Variants in SPATA4 observed in about 807,000 individuals in gnomAD.
The protein encoded by SPATA4 is spermatogenesis-associated protein 4.
Under a neutral mutation model 31.8 loss-of-function variants are expected in SPATA4, and 35 were observed. The observed-to-expected ratio is 1.10, with a 90% CI of 0.84 to 1.46. The LOEUF (loss-of-function observed/expected upper bound fraction) is 1.46. SPATA4 is among the 40% of genes most tolerant of loss of function. The pLI is 0.00. For missense variants in SPATA4, 394 were observed against 363.1 expected (o/e 1.09, Z -0.69); for synonymous variants, 126 against 132.4 (o/e 0.95, Z 0.33).
chr4:176,195,322 C>G, intron 1 of SPATA4, 23 bp downstream of exon 1: 1 of 1,613,100 alleles, frequency 6.2e-7, no homozygotes, highest in East Asian at 2.2e-5. Context: ...CCGGGGGGGC[C>G]TAGGACTGGC....
chr4:176,194,140 C>G (rs1421777607), intron 1 of SPATA4: 3 of 146,452 alleles, frequency 2.0e-5, no homozygotes, highest in Admixed American at 7.0e-5. Flanking sequence ...ATCAGATCAA[C>G]TGTACAGTGT....
At chr4:176,192,345 C>T (rs1752544141) in intron 4 of SPATA4, among the ~76,000 whole-genome samples, 1 of 152,198 alleles carries the variant, frequency 6.6e-6, no homozygotes, top group Admixed American at 6.5e-5. Flanking sequence ...GATATATGAA[C>T]TTGTTTCTTG....
Position 176,184,842 on chromosome 4 carries a change from C to T in SPATA4, c.856G>A (p.Ala286Thr). Residue 286 changes from alanine to threonine, a missense_variant, in exon 6 of 6, where the codon GCT (alanine) becomes ACT (threonine). By Grantham distance (58) the Ala-to-Thr change is moderately conservative. Coordinates refer to ENST00000280191, the MANE Select transcript of SPATA4 (RefSeq NM_144644.4). Reference sequence around the variant, plus strand: ...GCAGAGTAATAAGAATGTTGTCCAGCTTGCTTCACATGTATTTCTCTATGT... The same window carrying T: ...GCAGAGTAATAAGAATGTTGTCCAGTTTGCTTCACATGTATTTCTCTATGT... ...SSHREIHVKQ[A>T]GQHSYYSAMK... is the part of the protein sequence containing the mutation. The T allele has an allele frequency of 6.2e-7, 1 of 1,603,734 alleles. No homozygotes were observed. Among genetic ancestry groups the T allele is most frequent in the Non-Finnish European group, 8.5e-7 (1 of 1,174,936 alleles).
At chr4:176,190,403 T>C (rs1752509882) in intron 4 of SPATA4, among the ~76,000 whole-genome samples, 1 of 152,248 alleles carries the variant, frequency 6.6e-6, no homozygotes, top group Non-Finnish European at 1.5e-5. Flanking sequence ...TTGATTTTCA[T>C]TCCTGCCATA....
At chr4:176,195,243 G>C (rs1362716607) in intron 1 of SPATA4, 102 bp downstream of exon 1, 1 of 1,145,710 alleles carries the variant, frequency 8.7e-7, no homozygotes, top group East Asian at 2.4e-5. Context: ...GTCTTGATTT[G>C]AAACATAAGC....
chr4:176,193,176 G>A (rs1234569379), intron 2 of SPATA4, 100 bp from the exon 3 acceptor site: 28 of 859,056 alleles, frequency 3.3e-5, no homozygotes, highest in Non-Finnish European at 5.0e-5. Flanking sequence ...TACCTATGAA[G>A]TAATTTTTGT....
At chr4:176,187,931 C>A (rs1025204439) in intron 5 of SPATA4, among the ~76,000 whole-genome samples, 188 bp downstream of exon 5, 2 of 152,202 alleles carry the variant, frequency 1.3e-5, no homozygotes, top group African/African-American at 4.8e-5. Flanking sequence ...GGGGAGGGGG[C>A]AGCGACTTAG....
Position 176,188,117 on chromosome 4 carries a change from AC to A in SPATA4, c.805+1del, listed in dbSNP as rs763310544. ...TTTAAGAAGCAAAGAGTTAAAACTTACGTAAAACAGGGACAACTCTTCCTCT... is the reference window on the plus strand; with the variant it reads ...TTTAAGAAGCAAAGAGTTAAAACTTAGTAAAACAGGGACAACTCTTCCTCT... On this transcript the variant is annotated splice_donor_variant, in intron 5 of 5. Transcript: ENST00000280191. LOFTEE classifies it high-confidence loss of function. The A allele has an allele frequency of 1.4e-4, 224 of 1,601,440 alleles. No homozygotes were observed. The highest frequency in any genetic ancestry group is 2.7e-5 in the Non-Finnish European group (32 of 1,169,820).
rs771071567 is a variant in SPATA4 at position 176,184,780 on chromosome 4, T to C, written c.918A>G (p.Ter306TrpextTer8). ...TTCAAAGCCATTTGACAGGTGCTTT[T>C]CAAGGTTTCTTGTCCATGTTTCTGA... ...KPIRNMDKKP[*>W] The change falls in exon 6 of 6, where the codon TGA becomes TGG. Residue 306 changes from the stop codon to tryptophan, a stop_lost. Coordinates refer to ENST00000280191, the MANE Select transcript of SPATA4 (RefSeq NM_144644.4). The C allele has an allele frequency of 1.3e-6, 2 of 1,580,186 alleles. No individual in the cohort carries two copies. The highest frequency in any genetic ancestry group is 1.7e-6 in the Non-Finnish European group (2 of 1,162,764).
chr4:176,190,650 G>A (rs942917870), intron 4 of SPATA4, among the ~76,000 whole-genome samples: 2 of 152,140 alleles, frequency 1.3e-5, no homozygotes, highest in African/African-American at 4.8e-5. Context: ...GTCAGCCCAA[G>A]GTAATTCTTT....
chr4:176,193,539 A>G lies in SPATA4; in HGVS notation c.262T>C (p.Tyr88His). 1 of 1,612,500 alleles carries G rather than the reference A, an allele frequency of 6.2e-7. No homozygotes were observed. The highest frequency in any genetic ancestry group is 8.5e-7 in the Non-Finnish European group (1 of 1,179,736). The part of the protein sequence containing the change: ...GFLIAEIFCI[Y>H]YPWELELSSF... ...GATAATTCAAGTTCCCAGGGGTAAT[A>G]TATACAGAATATTTCTGCAATTAGG... The change falls in exon 2 of 6, where the codon TAT becomes CAT. Residue 88 changes from tyrosine (Y) to histidine (H), a missense_variant. Tyr to His is a moderately conservative substitution (Grantham distance 83). Transcript: ENST00000280191.
intron 5 of SPATA4, among the ~76,000 whole-genome samples, chr4:176,187,305 G>A (rs1303168271): frequency 6.6e-6 from 1 of 151,884 alleles, no homozygotes; most frequent in African/African-American, 2.4e-5. Context: ...ATTTTTATGT[G>A]TCAGGAATTA....
In SPATA4 at chr4:176,188,326, A is replaced by T. The variant is rs983881567; in HGVS notation, c.689-91T>A. On this transcript the variant is annotated intron_variant, in intron 4 of 5. Transcript: ENST00000280191. ...CCATAATTTAAAAATTAAGTAAATT[A>T]TTTAAATTTCTGTTTATCATATTCC... The T allele has an allele frequency of 2.5e-5, 21 of 830,172 alleles. No individual in the cohort carries two copies. In the African/African-American group the frequency reaches 3.5e-4, roughly 14 times the overall value. 51.4% of individuals were successfully genotyped at this position (830,172 alleles called of 1,614,324 possible). A position where few individuals can be genotyped will look rare whatever the true frequency, so the allele number is the denominator to read the frequency against.
At chr4:176,188,300 G>T (rs1009435785) in intron 4 of SPATA4, 65 bp from the exon 5 acceptor site, 1 of 1,024,696 alleles carries the variant, frequency 9.8e-7, no homozygotes. Flanking sequence ...AAAATAAGAT[G>T]CCATAATTTA....
chr4:176,191,183 C>T (rs1009842315), intron 4 of SPATA4, among the ~76,000 whole-genome samples: 2 of 151,428 alleles, frequency 1.3e-5, no homozygotes, highest in African/African-American at 4.9e-5. Context: ...GCAACCTAAG[C>T]CTCCTGGGTT....
chr4:176,194,450 T>C (rs1752582392), intron 1 of SPATA4: 1 of 152,200 alleles, frequency 6.6e-6, no homozygotes, highest in Non-Finnish European at 1.5e-5. Flanking sequence ...TAAACAGAAA[T>C]GTGTTCTGAC....
chr4:176,195,288 G>C, intron 1 of SPATA4, 57 bp downstream of exon 1: 18 of 1,577,528 alleles, frequency 1.1e-5, no homozygotes, highest in African/African-American at 1.3e-5. Context: ...CCTGGCAGGC[G>C]GCGGAAAGCA....
chr4:176,192,870 T>C, intron 3 of SPATA4, 23 bp from the exon 4 acceptor site: 1 of 1,603,438 alleles, frequency 6.2e-7, no homozygotes, highest in Non-Finnish European at 8.5e-7. Flanking sequence ...AATAAAATAC[T>C]GTTGACAAGC....
At position 176,195,550 on chromosome 4, in the gene SPATA4, C is replaced by A. The variant is rs749799707; in HGVS notation, c.13G>T (p.Gly5Cys). 6.2e-7 allele frequency: 1 copy of A among 1,613,992 alleles called. No individual in the cohort carries two copies. Among genetic ancestry groups the A allele is most frequent in the Non-Finnish European group, 8.5e-7 (1 of 1,179,988 alleles). ...TGTGTCAAATACCCTTTTTCCTGGC[C>A]GGCGGCAGCCATGACGCTTTCTGGG... MAAA[G>C]QEKGYLTQTA... is the part of the protein sequence containing the mutation. Residue 5 changes from glycine (G) to cysteine (C), a missense_variant, in exon 1 of 6, where the codon GGC becomes TGC. Coordinates refer to ENST00000280191, the MANE Select transcript of SPATA4 (RefSeq NM_144644.4).
Sources: gnomAD v4.1 joint callset for allele counts (sites outside exome capture counted in the v4.1 genomes callset) on GRCh38, gnomAD v4.1.1 for gene constraint, MANE v1.5 for transcripts, NCBI Gene and HGNC (gene_info 2026-07-23, HGNC 2026-07-21) for gene names.